Variants in ITGA7 observed in about 807,000 individuals in gnomAD.
The protein encoded by ITGA7 is integrin alpha-7.
ITGA7 carries 84 observed loss-of-function variants against 131.6 expected under a neutral mutation model. The ratio of observed to expected loss-of-function variants is 0.64; its 90% CI spans 0.54 to 0.77. The LOEUF (loss-of-function observed/expected upper bound fraction) is 0.77, where lower values mean the gene tolerates loss of function less well. Among genes scored for constraint, ITGA7 ranks in the 30% least tolerant of loss-of-function variants. ITGA7 has a pLI of 0.00. For synonymous variants in ITGA7, 548 were observed against 600.7 expected, an observed-to-expected ratio of 0.91 and a Z score of 1.28; for missense variants, 1,399 against 1,482.9, an observed-to-expected ratio of 0.94 and a Z score of 0.93.
At chr12:55,695,771 T>C (rs1872516366) in intron 13 of ITGA7, 134 bp from the exon 14 acceptor site, 3 of 677,592 alleles carry the variant, frequency 4.4e-6, no homozygotes, top group East Asian at 5.5e-5. Flanking sequence ...TGCTGCTTAT[T>C]AGCCATGTGA....
chr12:55,708,104 G>A (rs1176926474), upstream of ITGA7: 4 of 921,182 alleles, frequency 4.3e-6, no homozygotes, highest in Non-Finnish European at 5.2e-6. Flanking sequence ...CCCCTGCGCG[G>A]CGCTCTCCTC....
intron 1 of ITGA7, among the ~76,000 whole-genome samples, chr12:55,703,737 C>G (rs1303038725): frequency 1.3e-5 from 2 of 152,174 alleles, no homozygotes; most frequent in African/African-American, 4.8e-5. Flanking sequence ...AGCAAAGACC[C>G]CACCTCCCAG....
In ITGA7 at chr12:55,698,920, G is replaced by A; in HGVS notation, c.791-3C>T. ...TTTCCCCGAGTCAATAGAGAAGCCT[G>A]GGGGAAGGGTGACTTACCCCTAAGT... On this transcript the variant is annotated splice_region_variant and splice_polypyrimidine_tract_variant and intron_variant, in intron 5 of 24. Transcript: ENST00000257879. 11 of 1,606,952 alleles carry A rather than the reference G, an allele frequency of 6.8e-6. No homozygotes were observed. Among genetic ancestry groups the A allele is most frequent in the Admixed American group, 1.7e-5 (1 of 58,976 alleles).
chr12:55,716,206 A>G, upstream of ITGA7: 1 of 1,603,132 alleles, frequency 6.2e-7, no homozygotes, highest in Admixed American at 1.7e-5. Context: ...GGTGAGCCAA[A>G]TATCCTGTCG....
chr12:55,713,089 C>T (rs1036828331), upstream of ITGA7, among the ~76,000 whole-genome samples: 2 of 151,942 alleles, frequency 1.3e-5, no homozygotes, highest in African/African-American at 4.8e-5. Context: ...TCACCATTAT[C>T]TTGACACTTC....
At chr12:55,701,839 T>C (rs1350965135) in intron 3 of ITGA7, among the ~76,000 whole-genome samples, 1 of 152,212 alleles carries the variant, frequency 6.6e-6, no homozygotes, top group East Asian at 1.9e-4. Flanking sequence ...TCATCCCCTC[T>C]GCAGAAGTCT....
At chr12:55,696,158 G>A in intron 13 of ITGA7, 125 bp downstream of exon 13, 9 of 1,035,384 alleles carry the variant, frequency 8.7e-6, no homozygotes, top group Non-Finnish European at 1.0e-5. Context: ...CTAGAGATAT[G>A]AGGAATTACT....
chr12:55,699,349 T>A (rs918075772), intron 5 of ITGA7, among the ~76,000 whole-genome samples: 4 of 152,076 alleles, frequency 2.6e-5, no homozygotes, highest in African/African-American at 9.7e-5. Flanking sequence ...AGTGCACCTC[T>A]TTCCCCCAAC....
chr12:55,707,820 G>GGCCCCGACC lies in ITGA7; in HGVS notation c.-139_-138insGGTCGGGGC. ...CGTCTCCCAGACGTTCGCCCCGCCA[G>GGCCCCGACC]CCCTCCCGCCCGCCCGCCGCTCCGC... is the stretch of plus-strand genomic sequence containing the variant. On this transcript the variant is annotated 5_prime_UTR_variant, in exon 1 of 25. Coordinates refer to ENST00000257879, the MANE Select transcript of ITGA7 (RefSeq NM_002206.3). 1 of 1,455,778 alleles carries GGCCCCGACC rather than the reference G, an allele frequency of 6.9e-7. No individual in the cohort carries two copies. The highest frequency in any genetic ancestry group is 9.1e-7 in the Non-Finnish European group (1 of 1,102,490). 90.2% of individuals were successfully genotyped at this position (1,455,778 alleles called of 1,614,324 possible). A position where few individuals can be genotyped will look rare whatever the true frequency, so the allele number is the denominator to read the frequency against.
upstream of ITGA7, among the ~76,000 whole-genome samples, chr12:55,714,868 T>C (rs1481565756): frequency 6.9e-6 from 1 of 145,248 alleles, no homozygotes; most frequent in African/African-American, 2.5e-5. Context: ...GGCTTTTTTT[T>C]TTTTTTTTTT....
chr12:55,691,982 G>A (rs541340113), intron 21 of ITGA7, among the ~76,000 whole-genome samples: 21 of 152,218 alleles, frequency 1.4e-4, no homozygotes, highest in Admixed American at 1.1e-3. Context: ...GAGCATGTGC[G>A]GATCTGCTCA....
chr12:55,687,167 TTC>T (rs1274709192), intron 24 of ITGA7, among the ~76,000 whole-genome samples: 45 of 146,704 alleles, frequency 3.1e-4, no homozygotes, highest in African/African-American at 1.1e-3. Context: ...TGCATCTGAT[TTC>T]TTTTTTTTTT....
intron 3 of ITGA7, 131 bp downstream of exon 3, chr12:55,702,741 C>T: frequency 1.3e-6 from 1 of 774,296 alleles, no homozygotes. Context: ...TTTATATCTC[C>T]CTGATGTACT....
At chr12:55,710,448 A>G (rs1875985332), upstream of ITGA7, among the ~76,000 whole-genome samples, 1 of 151,670 alleles carries the variant, frequency 6.6e-6, no homozygotes, top group African/African-American at 2.4e-5. Context: ...AACTTCTTGT[A>G]TTTCAGTCAA....
At chr12:55,689,853 G>C (rs550449626) in intron 21 of ITGA7, among the ~76,000 whole-genome samples, 1 of 152,052 alleles carries the variant, frequency 6.6e-6, no homozygotes, top group Non-Finnish European at 1.5e-5. Context: ...ACAAACCTGA[G>C]AAAAACAACC....
chr12:55,688,919 G>C lies in ITGA7; in HGVS notation c.2883C>G (p.Ser961Arg). 6.2e-7 allele frequency: 1 copy of C among 1,614,046 alleles called. No homozygotes were observed. Among genetic ancestry groups the C allele is most frequent in the South Asian group, 1.1e-5 (1 of 91,076 alleles). The change falls in exon 22 of 25, where the codon AGC (serine) becomes AGG (arginine). Residue 961 changes from serine to arginine, a missense_variant. Physicochemically the swap from Ser to Arg is moderately radical, Grantham distance 110. Transcript: ENST00000257879. ...ARGTANCVVF[S>R]CPLYSFDRAA... ...CGCGGTCAAAGCTGTAGAGTGGGCA[G>C]CTGAACACCACACAGTTGGCCGTGC... is the stretch of plus-strand genomic sequence containing the variant.
upstream of ITGA7, among the ~76,000 whole-genome samples, chr12:55,713,750 T>C (rs371097458): frequency 9.2e-5 from 14 of 152,374 alleles, no homozygotes; most frequent in East Asian, 2.5e-3. Context: ...TTTTGCTTTA[T>C]GCTGCCACTT....
At chr12:55,700,412 T>C in intron 4 of ITGA7, 1 of 1,596,206 alleles carries the variant, frequency 6.3e-7, no homozygotes, top group Non-Finnish European at 8.5e-7. Context: ...ACAGACCTGT[T>C]AGTGCCCAGG....
upstream of ITGA7, among the ~76,000 whole-genome samples, chr12:55,713,039 A>ACC (rs1478177937): frequency 2.1e-5 from 3 of 143,560 alleles, no homozygotes; most frequent in African/African-American, 7.6e-5. Flanking sequence ...CCCAACACTA[A>ACC]CCCCCATTAG....
Sources: allele counts gnomAD v4.1 joint callset (sites outside exome capture counted in the v4.1 genomes callset), GRCh38; gene constraint gnomAD v4.1.1; transcripts MANE v1.5; gene names NCBI Gene and HGNC (gene_info 2026-07-23, HGNC 2026-07-21).